CATSPERD: variants seen among roughly 807,000 people sequenced by gnomAD.
CATSPERD encodes catsper channel auxiliary subunit delta.
Under a neutral mutation model 98.1 loss-of-function variants are expected in CATSPERD, and 86 were observed. The observed-to-expected ratio is 0.88, with a 90% CI of 0.74 to 1.05. The LOEUF (loss-of-function observed/expected upper bound fraction) is 1.05. CATSPERD is among the 50% of genes least tolerant of loss of function. CATSPERD has a pLI of 0.00. For synonymous variants in CATSPERD, 394 were observed against 390.2 expected (o/e 1.01, Z -0.12); for missense variants, 995 against 1,005.7 (o/e 0.99, Z 0.14).
At chr19:5,739,198 A>G in intron 6 of CATSPERD, 128 bp from the exon 7 acceptor site, 2 of 621,056 alleles carry the variant, frequency 3.2e-6, no homozygotes, top group East Asian at 5.7e-5. Context: ...AAACAGCCCC[A>G]TCGAACAGTC....
chr19:5,776,937 A>C (rs930857732), intron 21 of CATSPERD, among the ~76,000 whole-genome samples: 5 of 152,118 alleles, frequency 3.3e-5, no homozygotes, highest in Non-Finnish European at 7.3e-5. Context: ...AGTGGCTTCG[A>C]ATCAGCCACA....
intron 20 of CATSPERD, 130 bp from the exon 21 acceptor site, chr19:5,776,031 G>C (rs971039166): frequency 1.1e-6 from 1 of 937,680 alleles, no homozygotes; most frequent in Non-Finnish European, 1.6e-6. Context: ...ATGGGCACTT[G>C]GCCCCAGAGT....
intron 13 of CATSPERD, among the ~76,000 whole-genome samples, chr19:5,755,264 CTA>C: frequency 6.6e-6 from 1 of 152,102 alleles, no homozygotes; most frequent in Non-Finnish European, 1.5e-5. Context: ...ATCCAAGTGT[CTA>C]AGCCTAGGCA....
In CATSPERD at chr19:5,770,960, G is replaced by A. The variant is rs140487092; in HGVS notation, c.1651G>A (p.Gly551Ser). 734 of 1,610,516 alleles carry A rather than the reference G, an allele frequency of 4.6e-4. 6 individuals carry two copies. The Admixed American group carries it at 0.01, about 23-fold the overall frequency. The change falls in exon 19 of 22, where the codon GGC (glycine) becomes AGC (serine). Residue 551 changes from glycine to serine, a missense_variant. By Grantham distance (56) the Gly-to-Ser change is moderately conservative. Transcript: ENST00000381624. Reference sequence around the variant, plus strand: ...GTCTTGAAGGGAATTCTACGACCCCGGCTTCCAGGGGCAGCAGTCCTCCGA... The same window carrying A: ...GTCTTGAAGGGAATTCTACGACCCCAGCTTCCAGGGGCAGCAGTCCTCCGA... ...FIIEKEFYDPGFQGQQSSEDL... is the reference protein window; with the variant it reads ...FIIEKEFYDPSFQGQQSSEDL...
Position 5,749,006 on chromosome 19 carries a change from A to G in CATSPERD, c.905-95A>G, listed in dbSNP as rs1599550576. 3 of 978,826 alleles carry G rather than the reference A, an allele frequency of 3.1e-6. No individual in the cohort carries two copies. In the East Asian group the frequency reaches 8.7e-5, roughly 28 times the overall value. The allele number at this position is 978,826 out of a possible 1,614,324, so 60.6% of individuals were successfully genotyped here. A position where few individuals can be genotyped will look rare whatever the true frequency, so the allele number is the denominator to read the frequency against. ...CGGCCTCTCAAAGTGTTGGAATTAC[A>G]GGCGTGAGCCACTGCACCCAACCAC... On this transcript the variant is annotated intron_variant, in intron 10 of 21. Transcript: ENST00000381624.
chr19:5,726,315 C>T (rs984652090), intron 2 of CATSPERD, among the ~76,000 whole-genome samples: 2 of 152,118 alleles, frequency 1.3e-5, no homozygotes, highest in African/African-American at 2.4e-5. Context: ...CTGCCCACCT[C>T]GGCCTCCCAA....
chr19:5,739,853 A>AAGAAAAAAAAAAG (rs2055923335), intron 7 of CATSPERD, among the ~76,000 whole-genome samples: 3 of 151,554 alleles, frequency 2.0e-5, no homozygotes, highest in South Asian at 4.2e-4. Context: ...AAAAAAAAAA[A>AAGAAAAAAAAAAG]GTCCACTGGC....
At chr19:5,767,022 A>G (rs1347527676) in intron 17 of CATSPERD, among the ~76,000 whole-genome samples, 6 of 151,660 alleles carry the variant, frequency 4.0e-5, no homozygotes, top group Non-Finnish European at 7.4e-5. Flanking sequence ...AATTTTTTAA[A>G]AAGCCAGACC....
chr19:5,724,695 T>TC (rs923790197), intron 1 of CATSPERD, 113 bp from the exon 2 acceptor site: 198 of 1,066,890 alleles, frequency 1.9e-4, no homozygotes, highest in Non-Finnish European at 2.3e-4. Flanking sequence ...TGAGACTCCG[T>TC]CCCCCCCAAA....
At chr19:5,749,021 C>G in intron 10 of CATSPERD, 80 bp from the exon 11 acceptor site, 1 of 1,241,678 alleles carries the variant, frequency 8.1e-7, no homozygotes, top group Non-Finnish European at 1.2e-6. Context: ...TGAGCCACTG[C>G]ACCCAACCAC....
intron 16 of CATSPERD, 32 bp downstream of exon 16, chr19:5,763,325 G>A (rs374046831): frequency 3.6e-5 from 56 of 1,568,240 alleles, no homozygotes; most frequent in African/African-American, 3.1e-4. Context: ...TCCCATATTC[G>A]GTGTCATAAG....
intron 5 of CATSPERD, among the ~76,000 whole-genome samples, chr19:5,736,218 G>A (rs960445009): frequency 6.6e-6 from 1 of 152,002 alleles, no homozygotes; most frequent in Non-Finnish European, 1.5e-5. Context: ...GGCCAACTGG[G>A]GGCAGTTCTG....
At chr19:5,728,598 A>G (rs1473123586) in intron 3 of CATSPERD, among the ~76,000 whole-genome samples, 1 of 150,784 alleles carries the variant, frequency 6.6e-6, no homozygotes, top group African/African-American at 2.4e-5. Context: ...ATGACCAATT[A>G]TAAAACATAA....
At position 5,745,575 on chromosome 19, in the gene CATSPERD, C is replaced by G. The variant is rs572687381; in HGVS notation, c.658-338C>G. On this transcript the variant is annotated intron_variant, in intron 8 of 21. Coordinates refer to ENST00000381624, the MANE Select transcript of CATSPERD (RefSeq NM_152784.4). ...GATGGAGGTGGCAGTGAGCCGAGAT[C>G]GTGCCACTGCACTCCAGCCTGGGCA... Among the ~76,000 whole-genome samples the G allele has an allele frequency of 5.3e-5, 8 of 152,102 alleles. No homozygotes were observed. The East Asian group carries it at 1.6e-3, about 29-fold the overall frequency.
At chr19:5,759,755 T>A (rs920184474) in intron 15 of CATSPERD, among the ~76,000 whole-genome samples, 7 of 151,044 alleles carry the variant, frequency 4.6e-5, no homozygotes, top group African/African-American at 1.7e-4. Context: ...CATCCGCACA[T>A]CGCAATATGA....
chr19:5,753,496 A>T, intron 12 of CATSPERD: 1 of 254,886 alleles, frequency 3.9e-6, no homozygotes, highest in Non-Finnish European at 8.2e-6. Context: ...CCGGAGGCAG[A>T]GCTTGCAGTG....
At chr19:5,764,334 G>C (rs1330297140) in intron 16 of CATSPERD, among the ~76,000 whole-genome samples, 1 of 148,592 alleles carries the variant, frequency 6.7e-6, no homozygotes, top group Non-Finnish European at 1.5e-5. Flanking sequence ...TTTATTTTTT[G>C]AGACGGAGTC....
At chr19:5,770,068 A>C (rs905311538) in intron 18 of CATSPERD, among the ~76,000 whole-genome samples, 1 of 150,032 alleles carries the variant, frequency 6.7e-6, no homozygotes, top group African/African-American at 2.5e-5. Flanking sequence ...CAGCCTGGGC[A>C]ACAGAGCGAG....
At position 5,772,947 on chromosome 19, in the gene CATSPERD, C is replaced by T; in HGVS notation, c.1923C>T (p.Pro641=). Residue 641 remains proline, a synonymous_variant, in exon 20 of 22, where the codon CCC becomes CCT. Transcript: ENST00000381624. ...WTTMIKEFGG[P]FFWNRENYVS... ...CCATGATAAAGGAATTCGGGGGGCC[C>T]TTCTTCTGGAACAGAGAGGTAACAG... The T allele has an allele frequency of 6.2e-7, 1 of 1,613,896 alleles. No individual in the cohort carries two copies. Among genetic ancestry groups the T allele is most frequent in the Non-Finnish European group, 8.5e-7 (1 of 1,179,924 alleles).
Sources: allele counts gnomAD v4.1 joint callset (sites outside exome capture counted in the v4.1 genomes callset), GRCh38; gene constraint gnomAD v4.1.1; transcripts MANE v1.5; gene names NCBI Gene and HGNC (gene_info 2026-07-23, HGNC 2026-07-21).